The following FRAS1 variants were observed in gnomAD, a reference collection of about 807,000 sequenced individuals.
The protein encoded by FRAS1 is Fraser extracellular matrix complex subunit 1.
FRAS1 carries 290 observed loss-of-function variants against 435.2 expected under a neutral mutation model. That is an observed-to-expected ratio of 0.67 (90% confidence interval 0.61 to 0.73). The LOEUF is 0.73. Among genes scored for constraint, FRAS1 ranks in the 30% least tolerant of loss-of-function variants. The pLI, the probability that FRAS1 is intolerant of heterozygous loss-of-function variation, is 0.00. For missense variants in FRAS1, 4,860 were observed against 5,001.5 expected (o/e 0.97, Z 0.85); for synonymous variants, 1,800 against 1,851.0 (o/e 0.97, Z 0.71).
At position 78,375,695 on chromosome 4, in the gene FRAS1, T is replaced by C. The variant is rs181320418; in HGVS notation, c.3152-44T>C. 8.6e-4 allele frequency: 1,291 copies of C among 1,507,778 alleles called. 4 individuals carry two copies. The highest frequency in any genetic ancestry group is 4.3e-3 in the Middle Eastern group (24 of 5,564). The allele number at this position is 1,507,778 out of a possible 1,614,324, so 93.4% of individuals were successfully genotyped here. A position where few individuals can be genotyped will look rare whatever the true frequency, so the allele number is the denominator to read the frequency against. Reference sequence around the variant, plus strand: ...AAGCCCTTTATTTCTTTGTCGCTGGTGTTGCCTTGATTGAGCCTCATTTAG... The same window carrying C: ...AAGCCCTTTATTTCTTTGTCGCTGGCGTTGCCTTGATTGAGCCTCATTTAG... On this transcript the variant is annotated intron_variant, in intron 25 of 73. Coordinates refer to ENST00000512123, the MANE Select transcript of FRAS1 (RefSeq NM_025074.7).
chr4:78,095,106 A>G (rs1741728622), intron 2 of FRAS1, among the ~76,000 whole-genome samples: 1 of 152,258 alleles, frequency 6.6e-6, no homozygotes, highest in African/African-American at 2.4e-5. Context: ...ATCAGTAAAT[A>G]AATAAATGCT....
intron 2 of FRAS1, among the ~76,000 whole-genome samples, chr4:78,114,041 A>T (rs1208391556): frequency 1.3e-5 from 2 of 152,142 alleles, no homozygotes; most frequent in Non-Finnish European, 2.9e-5. Context: ...TCAGCTTTCT[A>T]TATATGGCTA....
chr4:78,081,101 C>T (rs558526968), intron 2 of FRAS1, among the ~76,000 whole-genome samples: 26 of 152,204 alleles, frequency 1.7e-4, no homozygotes. Context: ...CATCTAAGGT[C>T]ATGTGTTAAA....
intron 15 of FRAS1, among the ~76,000 whole-genome samples, chr4:78,310,341 A>G (rs1728966370): frequency 1.3e-5 from 2 of 152,228 alleles, no homozygotes; most frequent in Admixed American, 1.3e-4. Flanking sequence ...CTGACCTGCC[A>G]CTGAGACTCT....
At chr4:78,269,899 G>T (rs947013743) in intron 9 of FRAS1, among the ~76,000 whole-genome samples, 29 of 152,174 alleles carry the variant, frequency 1.9e-4, no homozygotes, top group African/African-American at 7.0e-4. Flanking sequence ...TGGTAAATGT[G>T]AGCTGCCATT....
At chr4:78,254,706 T>C (rs1725706696) in intron 5 of FRAS1, among the ~76,000 whole-genome samples, 2 of 152,106 alleles carry the variant, frequency 1.3e-5, no homozygotes, top group Non-Finnish European at 2.9e-5. Context: ...TTTGCAAAAA[T>C]GTAGGGTCTC....
intron 15 of FRAS1, among the ~76,000 whole-genome samples, chr4:78,312,743 A>C (rs1729076343): frequency 6.6e-6 from 1 of 151,902 alleles, no homozygotes; most frequent in Non-Finnish European, 1.5e-5. Flanking sequence ...GAGGCAGGAG[A>C]ATCACTTGAG....
At position 78,057,379 on chromosome 4, in the gene FRAS1, G is replaced by A. The variant is rs1282264927; in HGVS notation, c.-631G>A. On this transcript the variant is annotated 5_prime_UTR_variant, in exon 1 of 74. Transcript: ENST00000512123. This position sits in a 1 kb window ranked among gnomAD's most constrained non-coding sequence, Gnocchi z 4.2. ...CAGGGAGCGCAGCCTGAGGCGGTGT[G>A]GTGCGGTGCGGCTGCAGGGCGGGCG... 2.0e-5 allele frequency among the ~76,000 whole-genome samples: 3 copies of A among 152,262 alleles called. No homozygotes were observed. The highest frequency in any genetic ancestry group is 4.4e-5 in the Non-Finnish European group (3 of 68,006).
At chr4:78,405,245 A>T (rs1733054320) in intron 30 of FRAS1, among the ~76,000 whole-genome samples, 1 of 152,184 alleles carries the variant, frequency 6.6e-6, no homozygotes, top group Non-Finnish European at 1.5e-5. Flanking sequence ...GGAAATCAGC[A>T]TTTGAATGTT....
At chr4:78,368,530 T>C (rs1731370573) in intron 22 of FRAS1, among the ~76,000 whole-genome samples, 1 of 152,164 alleles carries the variant, frequency 6.6e-6, no homozygotes, top group Non-Finnish European at 1.5e-5. Context: ...ATGTAGCAAG[T>C]GTTCATTGAA....
chr4:78,233,895 G>A (rs945013464), intron 2 of FRAS1, among the ~76,000 whole-genome samples: 1 of 152,146 alleles, frequency 6.6e-6, no homozygotes, highest in African/African-American at 2.4e-5. Flanking sequence ...CATAATAATA[G>A]TGCCAGTTTC....
chr4:78,064,822 G>T (rs570941400), intron 1 of FRAS1, among the ~76,000 whole-genome samples: 245 of 151,760 alleles, frequency 1.6e-3, no homozygotes, highest in Admixed American at 3.4e-3. Context: ...TAAGCACTGT[G>T]GTAAAATAAT....
At chr4:78,213,098 G>A (rs1290589940) in intron 2 of FRAS1, among the ~76,000 whole-genome samples, 3 of 152,192 alleles carry the variant, frequency 2.0e-5, no homozygotes, top group Non-Finnish European at 4.4e-5. Context: ...TCAGCCAAGA[G>A]CAATTCCTAC....
At chr4:78,249,757 A>G (rs1458600608) in intron 4 of FRAS1, among the ~76,000 whole-genome samples, 1 of 152,130 alleles carries the variant, frequency 6.6e-6, no homozygotes, top group East Asian at 1.9e-4. Context: ...ATCAGCTAAT[A>G]TAGCCCTCTT....
rs927971437 is a variant in FRAS1 at position 78,228,768 on chromosome 4, T to C, written c.109-8742T>C. ...AAATATCGTGATCAACAGGCTTAGA[T>C]TGTGGCAAGTGTCCGAGCTCATAGC... On this transcript the variant is annotated intron_variant, in intron 2 of 73. Coordinates refer to ENST00000512123, the MANE Select transcript of FRAS1 (RefSeq NM_025074.7). Among the ~76,000 whole-genome samples, 64 of 152,182 alleles carry C rather than the reference T, an allele frequency of 4.2e-4. 1 individual carries two copies. The highest frequency in any genetic ancestry group is 6.5e-5 in the Admixed American group (1 of 15,276).
intron 14 of FRAS1, among the ~76,000 whole-genome samples, chr4:78,301,381 A>C (rs1728385457): frequency 6.6e-6 from 1 of 152,290 alleles, no homozygotes; most frequent in East Asian, 1.9e-4. Context: ...AAGAGTAAAA[A>C]AAAAAAAAGC....
Position 78,363,637 on chromosome 4 carries a change from A to G in FRAS1, c.2547A>G (p.Gly849=), listed in dbSNP as rs763925099. ...ACTGTGTTCCTGACTGCCCTTCAGG[A>G]TACTATGCAGAGAGAGGAGCTTGTA... ...GDHCVPDCPS[G]YYAERGACKK... is the part of the protein sequence containing the mutation. The change falls in exon 21 of 74, where the codon GGA becomes GGG. Residue 849 remains glycine (G), a synonymous_variant. Transcript: ENST00000512123. 22 of 1,599,368 alleles carry G rather than the reference A, an allele frequency of 1.4e-5. No individual in the cohort carries two copies. The African/African-American group carries it at 2.1e-4, about 16-fold the overall frequency.
At chr4:78,170,673 A>G (rs1721512939) in intron 2 of FRAS1, among the ~76,000 whole-genome samples, 1 of 152,192 alleles carries the variant, frequency 6.6e-6, no homozygotes, top group South Asian at 2.1e-4. Context: ...GCCCGAATGC[A>G]TTCAGAACAC....
intron 2 of FRAS1, among the ~76,000 whole-genome samples, chr4:78,183,189 A>G (rs899644187): frequency 5.3e-5 from 8 of 152,170 alleles, no homozygotes; most frequent in African/African-American, 1.7e-4. Flanking sequence ...GGCTGTTGGC[A>G]TCTTCCACAG....
Sources: gnomAD v4.1 joint callset for allele counts (sites outside exome capture counted in the v4.1 genomes callset) on GRCh38, gnomAD v4.1.1 for gene constraint, Gnocchi (gnomAD v3.1) non-coding constraint, MANE v1.5 for transcripts, NCBI Gene and HGNC (gene_info 2026-07-23, HGNC 2026-07-21) for gene names.